The following RLF variants were observed in gnomAD, a reference collection of about 807,000 sequenced individuals.
The protein encoded by RLF is RLF zinc finger.
In RLF, 7 loss-of-function variants were observed where a neutral mutation model predicts 162.9. The ratio of observed to expected loss-of-function variants is 0.04; its 90% CI spans 0.02 to 0.08. The LOEUF is 0.08. RLF is among the 10% of genes least tolerant of loss of function. RLF has a pLI of 1.00. For missense variants in RLF, 1,664 were observed against 2,244.7 expected (o/e 0.74, Z 5.23); for synonymous variants, 782 against 791.5 (o/e 0.99, Z 0.20).
intron 1 of RLF, among the ~76,000 whole-genome samples, chr1:40,175,962 G>T (rs1216839041): frequency 6.6e-6 from 1 of 151,668 alleles, no homozygotes; most frequent in Admixed American, 6.6e-5. Flanking sequence ...CTACTGATTT[G>T]CTGTCTCTAT....
intron 4 of RLF, among the ~76,000 whole-genome samples, 174 bp downstream of exon 4, chr1:40,195,938 A>G (rs1410957298): frequency 1.3e-5 from 2 of 152,196 alleles, no homozygotes; most frequent in Non-Finnish European, 2.9e-5. Context: ...GGATTCTTGC[A>G]CTGTTAGTTT....
chr1:40,221,917 A>AAAAAAAAAG (rs1486982312), intron 5 of RLF, among the ~76,000 whole-genome samples: 2 of 150,284 alleles, frequency 1.3e-5, no homozygotes, highest in African/African-American at 4.9e-5. Flanking sequence ...AAAAAAAAAA[A>AAAAAAAAAG]AGAGAAAGGA....
intron 1 of RLF, among the ~76,000 whole-genome samples, chr1:40,164,555 C>T (rs181526393): frequency 6.6e-6 from 1 of 152,248 alleles, no homozygotes; most frequent in East Asian, 1.9e-4. Context: ...TCCTTCAGTT[C>T]CTTTTCTGAA....
chr1:40,178,861 G>C (rs1201633554), intron 1 of RLF, among the ~76,000 whole-genome samples: 1 of 151,344 alleles, frequency 6.6e-6, no homozygotes, highest in Non-Finnish European at 1.5e-5. Flanking sequence ...TTGAGATGGA[G>C]CCTCGCTGTG....
chr1:40,163,559 T>G (rs1642125386), intron 1 of RLF, among the ~76,000 whole-genome samples: 1 of 152,334 alleles, frequency 6.6e-6, no homozygotes, highest in Non-Finnish European at 1.5e-5. Flanking sequence ...CCCAGAAGAA[T>G]TTTTAAAAGA....
chr1:40,166,842 C>T (rs368212525), intron 1 of RLF, among the ~76,000 whole-genome samples: 3 of 96,870 alleles, frequency 3.1e-5, no homozygotes, highest in South Asian at 3.4e-4. Context: ...CATCACACAC[C>T]GGGGCCTGTT....
Position 40,212,180 on chromosome 1 carries a change from G to T in RLF, c.810+9566G>T, listed in dbSNP as rs2124548031. Among the ~76,000 whole-genome samples, 3 of 152,256 alleles carry T rather than the reference G, an allele frequency of 2.0e-5. No homozygotes were observed. In the Middle Eastern group the frequency reaches 0.01, roughly 518 times the overall value. On this transcript the variant is annotated intron_variant, in intron 5 of 7. Transcript: ENST00000372771. ...GTACATTGTATGTTGGTACCTGGGG[G>T]TATCCCAATAATAGGCATATGTAAT...
intron 5 of RLF, among the ~76,000 whole-genome samples, chr1:40,217,794 A>T (rs1353925578): frequency 6.6e-6 from 1 of 152,104 alleles, no homozygotes; most frequent in African/African-American, 2.4e-5. Flanking sequence ...GAAAGAAAGA[A>T]AAACCCAACT....
At chr1:40,198,394 T>A (rs1642667331) in intron 4 of RLF, among the ~76,000 whole-genome samples, 1 of 147,848 alleles carries the variant, frequency 6.8e-6, no homozygotes, top group South Asian at 2.2e-4. Context: ...AACCTCCGCC[T>A]CCTGGGTTCA....
At chr1:40,196,344 T>G (rs1437888267) in intron 4 of RLF, among the ~76,000 whole-genome samples, 1 of 152,180 alleles carries the variant, frequency 6.6e-6, no homozygotes, top group African/African-American at 2.4e-5. Context: ...AGTGCTGGGA[T>G]TATAGGCAAG....
At chr1:40,191,539 G>GAA (rs375633544) in intron 3 of RLF, among the ~76,000 whole-genome samples, 5 of 130,494 alleles carry the variant, frequency 3.8e-5, no homozygotes, top group Non-Finnish European at 5.0e-5. Flanking sequence ...CTCTGTCTCG[G>GAA]AAAAAAAAAA....
At chr1:40,228,822 T>C (rs1285148791) in intron 6 of RLF, among the ~76,000 whole-genome samples, 2 of 152,080 alleles carry the variant, frequency 1.3e-5, no homozygotes, top group Non-Finnish European at 2.9e-5. Flanking sequence ...AGAGAAGATA[T>C]TACTCTGTCA....
chr1:40,208,850 A>C (rs1642831694), intron 5 of RLF, among the ~76,000 whole-genome samples: 1 of 152,206 alleles, frequency 6.6e-6, no homozygotes, highest in Admixed American at 6.6e-5. Flanking sequence ...TATAGAAATT[A>C]ACTGAGGCTC....
At chr1:40,235,055 A>ATTTTT (rs761816149) in intron 7 of RLF, among the ~76,000 whole-genome samples, 83 of 105,452 alleles carry the variant, frequency 7.9e-4, no homozygotes, top group South Asian at 1.3e-3. Flanking sequence ...GATAGAGAGA[A>ATTTTT]TTTTTTTTTT....
intron 1 of RLF, among the ~76,000 whole-genome samples, chr1:40,175,072 G>C (rs1174908249): frequency 1.3e-5 from 2 of 151,864 alleles, no homozygotes; most frequent in African/African-American, 2.4e-5. Context: ...GCATTTTGGT[G>C]TCTTAGCTAT....
chr1:40,184,156 T>C (rs141934100), intron 1 of RLF, among the ~76,000 whole-genome samples: 90 of 152,286 alleles, frequency 5.9e-4, no homozygotes, highest in African/African-American at 2.1e-3. Context: ...TTTAGAAAAG[T>C]ATAAAGATGA....
rs770811452 is a variant in RLF, at chr1:40,161,388, G to C, written c.-12G>C. 1.3e-5 allele frequency: 20 copies of C among 1,517,162 alleles called. No individual in the cohort carries two copies. In the South Asian group the frequency reaches 2.6e-4, roughly 20 times the overall value. The allele number at this position is 1,517,162 out of a possible 1,614,324, so 94.0% of individuals were successfully genotyped here. ...TGGCTTGGTTGCCTACGCGCTGGTG[G>C]GCCGTGGGAAGATGGCGGACGGAAA... On this transcript the variant is annotated 5_prime_UTR_variant, in exon 1 of 8. Transcript: ENST00000372771. The surrounding 1 kb of genome is among the most constrained non-coding windows in gnomAD (Gnocchi z 4.4).
chr1:40,189,346 C>T, intron 2 of RLF, 137 bp downstream of exon 2: 1 of 666,872 alleles, frequency 1.5e-6, no homozygotes, highest in East Asian at 2.9e-5. Flanking sequence ...AATTTCCTTC[C>T]TACTCACGTT....
In RLF at chr1:40,181,382, A is replaced by G. The variant is rs563693619; in HGVS notation, c.238-7673A>G. 5.3e-5 allele frequency among the ~76,000 whole-genome samples: 8 copies of G among 152,322 alleles called. No homozygotes were observed. In the South Asian group the frequency reaches 1.7e-3, roughly 32 times the overall value. ...GAGGTGGAGGTTGCATTGAGCCGAG[A>G]TGGCACCACCGCACTCCAGCCTGGG... On this transcript the variant is annotated intron_variant, in intron 1 of 7. Transcript: ENST00000372771.
Sources: allele counts gnomAD v4.1 joint callset (sites outside exome capture counted in the v4.1 genomes callset), GRCh38; gene constraint gnomAD v4.1.1; non-coding constraint Gnocchi (gnomAD v3.1); transcripts MANE v1.5; gene names NCBI Gene and HGNC (gene_info 2026-07-23, HGNC 2026-07-21).